ABCB6: variants seen among roughly 807,000 people sequenced by gnomAD.
ABCB6 encodes ATP-binding cassette sub-family B member 6.
Under a neutral mutation model 99.4 loss-of-function variants are expected in ABCB6, and 87 were observed. The ratio of observed to expected loss-of-function variants is 0.88; its 90% CI spans 0.74 to 1.05. ABCB6 has a LOEUF of 1.05. Ranked by LOEUF, ABCB6 falls within the 50% of genes least tolerant of loss-of-function variation. The probability of loss-of-function intolerance (pLI) is 0.00; values close to 1 mark genes in which losing one functional copy is unlikely to be tolerated. For synonymous variants in ABCB6, 482 were observed against 447.5 expected (o/e 1.08, Z -0.97); for missense variants, 1,050 against 1,097.9 (o/e 0.96, Z 0.62).
In ABCB6 at chr2:219,216,259, G is replaced by C; in HGVS notation, c.971-79C>G. On this transcript the variant is annotated intron_variant, in intron 4 of 18. Coordinates refer to ENST00000265316, the MANE Select transcript of ABCB6 (RefSeq NM_005689.4). This position sits in a 1 kb window ranked among gnomAD's most constrained non-coding sequence, Gnocchi z 4.2. Reference sequence around the variant, plus strand: ...CCCAGCACCAGGATGTGAAAGGTCTGAGAGTACATGGGGGCTGGGGAGGAA... The same window carrying C: ...CCCAGCACCAGGATGTGAAAGGTCTCAGAGTACATGGGGGCTGGGGAGGAA... The C allele has an allele frequency of 6.3e-7, 1 of 1,577,022 alleles. No individual in the cohort carries two copies. Among genetic ancestry groups the C allele is most frequent in the East Asian group, 2.3e-5 (1 of 43,868 alleles).
Position 219,214,404 on chromosome 2 carries a change from CAG to C in ABCB6, c.1369_1370del (p.Leu457AlafsTer65), listed in dbSNP as rs762280572. ...NATRARAVDS[L>X]LNFETVKYYN... ...CCTCTGTTACCGTCTCGAAGTTTAG[CAG>C]AGAGTCCACTGCTCGTGCCCGGGTA... On this transcript the variant is annotated frameshift_variant, in exon 7 of 19. Coordinates refer to ENST00000265316, the MANE Select transcript of ABCB6 (RefSeq NM_005689.4). LOFTEE classifies it high-confidence loss of function. The C allele has an allele frequency of 9.9e-6, 16 of 1,614,014 alleles. No homozygotes were observed. Among genetic ancestry groups the C allele is most frequent in the African/African-American group, 9.3e-5 (7 of 74,932 alleles).
In ABCB6 at chr2:219,213,459, A is replaced by C. The variant is rs1950602317; in HGVS notation, c.1699T>G (p.Leu567Val). Residue 567 changes from leucine to valine, a missense_variant, in exon 11 of 19, where the codon TTG becomes GTG. Coordinates refer to ENST00000265316, the MANE Select transcript of ABCB6 (RefSeq NM_005689.4). Reference protein sequence around the residue: ...NFIDMENMFDLLKEETEVKDL... With the variant: ...NFIDMENMFDVLKEETEVKDL... ...CTCACTTCTGTCTCCTCTTTCAGCA[A>C]GTCAAACATGTTCTCCATGTCAATG... is the stretch of plus-strand genomic sequence containing the variant. 6.2e-7 allele frequency: 1 copy of C among 1,614,188 alleles called. No homozygotes were observed. The highest frequency in any genetic ancestry group is 1.3e-5 in the African/African-American group (1 of 75,032).
Position 219,216,412 on chromosome 2 carries a change from T to C in ABCB6, c.922A>G (p.Ser308Gly). The C allele has an allele frequency of 1.2e-6, 2 of 1,614,062 alleles. No homozygotes were observed. The highest frequency in any genetic ancestry group is 2.2e-5 in the South Asian group (2 of 91,078). Residue 308 changes from serine (S) to glycine (G), a missense_variant, in exon 4 of 19, where the codon AGT becomes GGT. Coordinates refer to ENST00000265316, the MANE Select transcript of ABCB6 (RefSeq NM_005689.4). This position sits in a 1 kb window ranked among gnomAD's most constrained non-coding sequence, Gnocchi z 4.2. ...TGGAGGAACTTGAGGAAGACGTAAC[T>C]GGTAACAGTCCAGGCCAGAGAGTTC... is the stretch of plus-strand genomic sequence containing the variant. ...PWNSLAWTVT[S>G]YVFLKFLQGG...
chr2:219,211,797 A>C (rs1574810623), intron 14 of ABCB6, among the ~76,000 whole-genome samples: 2 of 119,204 alleles, frequency 1.7e-5, no homozygotes, highest in Admixed American at 9.3e-5. Flanking sequence ...AGAGTCTTGC[A>C]CTCTTGCCCA....
At position 219,216,444 on chromosome 2, in the gene ABCB6, G is replaced by A; in HGVS notation, c.890C>T (p.Ala297Val). The A allele has an allele frequency of 1.2e-6, 2 of 1,614,012 alleles. No individual in the cohort carries two copies. Among genetic ancestry groups the A allele is most frequent in the Middle Eastern group, 3.3e-4 (2 of 6,062 alleles). The part of the protein sequence containing the change: ...RNIVNLLTEK[A>V]PWNSLAWTVT... ...AGTCCAGGCCAGAGAGTTCCAAGGT[G>A]CCTTCTCAGTCAGCAAGTTCACTGT... The change falls in exon 4 of 19, where the codon GCA (alanine) becomes GTA (valine). Residue 297 changes from alanine to valine, a missense_variant. Ala to Val is a moderately conservative substitution (Grantham distance 64). Transcript: ENST00000265316. This position sits in a 1 kb window ranked among gnomAD's most constrained non-coding sequence, Gnocchi z 4.2.
chr2:219,217,884 G>T, intron 1 of ABCB6, 77 bp from the exon 2 acceptor site: 3 of 1,540,254 alleles, frequency 1.9e-6, no homozygotes, highest in Non-Finnish European at 2.6e-6. Flanking sequence ...TAGGGCCGGG[G>T]ACTGGTGTCA....
At chr2:219,213,146 G>C in intron 12 of ABCB6, 81 bp from the exon 13 acceptor site, 1 of 1,603,126 alleles carries the variant, frequency 6.2e-7, no homozygotes, top group Non-Finnish European at 8.5e-7. Context: ...CCCTGCCCAG[G>C]CTCTTTTCCA....
Position 219,210,986 on chromosome 2 carries a change from C to G in ABCB6, c.2091G>C (p.Glu697Asp). The change falls in exon 15 of 19, where the codon GAG becomes GAC. Residue 697 changes from glutamate to aspartate, a missense_variant. Coordinates refer to ENST00000265316, the MANE Select transcript of ABCB6 (RefSeq NM_005689.4). ...GRVTAGNDEVEAAAQAAGIHD... is the reference protein window; with the variant it reads ...GRVTAGNDEVDAAAQAAGIHD... ...GGATGCCTGCAGCCTGAGCAGCAGC[C>G]TCCACCTCATCATTCCCAGCTGTGA... 1 of 1,614,196 alleles carries G rather than the reference C, an allele frequency of 6.2e-7. No individual in the cohort carries two copies. Among genetic ancestry groups the G allele is most frequent in the South Asian group, 1.1e-5 (1 of 91,086 alleles).
rs1360644284 is a variant in ABCB6, at chr2:219,210,969, G to A, written c.2108C>T (p.Ala703Val). ...AGCCATAATGGCATCATGGATGCCT[G>A]CAGCCTGAGCAGCAGCCTCCACCTC... ...NDEVEAAAQAAGIHDAIMAFP... is the reference protein window; with the variant it reads ...NDEVEAAAQAVGIHDAIMAFP... Residue 703 changes from alanine to valine, a missense_variant, in exon 15 of 19, where the codon GCA (alanine) becomes GTA (valine). Transcript: ENST00000265316. The A allele has an allele frequency of 1.2e-6, 2 of 1,614,200 alleles. No individual in the cohort carries two copies. The highest frequency in any genetic ancestry group is 2.2e-5 in the East Asian group (1 of 44,890).
intron 15 of ABCB6, 46 bp downstream of exon 15, chr2:219,210,888 G>T: frequency 6.2e-7 from 1 of 1,613,408 alleles, no homozygotes; most frequent in Non-Finnish European, 8.5e-7. Flanking sequence ...GGATTAGCAG[G>T]ACAACACCAG....
chr2:219,212,352 C>T (rs1393786322), intron 14 of ABCB6, 35 bp downstream of exon 14: 30 of 1,576,156 alleles, frequency 1.9e-5, no homozygotes, highest in Non-Finnish European at 2.4e-5. Flanking sequence ...CACACGTAGA[C>T]CCCTAAACCA....
At position 219,210,240 on chromosome 2, in the gene ABCB6, C is replaced by T; in HGVS notation, c.2410G>A (p.Glu804Lys). ...ILVIKDGCIVERGRHEALLSR... is the reference protein window; with the variant it reads ...ILVIKDGCIVKRGRHEALLSR... ...CTATGTGTCTCTTACCGTCCCCTCT[C>T]CACGATGCAGCCATCCTTGATGACG... The change falls in exon 18 of 19, where the codon GAG becomes AAG. Residue 804 changes from glutamate to lysine, a missense_variant. By Grantham distance (56) the Glu-to-Lys change is moderately conservative. Transcript: ENST00000265316. 15 of 1,614,216 alleles carry T rather than the reference C, an allele frequency of 9.3e-6. No individual in the cohort carries two copies. Among genetic ancestry groups the T allele is most frequent in the Non-Finnish European group, 1.2e-5 (14 of 1,180,034 alleles).
Position 219,216,018 on chromosome 2 carries a change from G to A in ABCB6, c.1133C>T (p.Ser378Phe), listed in dbSNP as rs1559237693. The A allele has an allele frequency of 1.3e-6, 2 of 1,594,506 alleles. No homozygotes were observed. Among genetic ancestry groups the A allele is most frequent in the Admixed American group, 1.7e-5 (1 of 59,084 alleles). ...EVLRIADRGT[S>F]SVTGLLSYLV... is the part of the protein sequence containing the mutation. The stretch of plus-strand genomic sequence containing the variant: ...GCACCTGAGCAGCCCTGTGACACTG[G>A]ATGTGCCCCGATCCGCGATCCGCAG... Residue 378 changes from serine to phenylalanine, a missense_variant, in exon 5 of 19, where the codon TCC becomes TTC. Transcript: ENST00000265316. The surrounding 1 kb of genome is among the most constrained non-coding windows in gnomAD (Gnocchi z 4.2).
At chr2:219,210,593 G>C in intron 16 of ABCB6, 118 bp from the exon 17 acceptor site, 1 of 1,590,896 alleles carries the variant, frequency 6.3e-7, no homozygotes, top group Admixed American at 1.7e-5. Context: ...TTGAGAACTG[G>C]AAAGTGTGTT....
Position 219,214,245 on chromosome 2 carries a change from T to C in ABCB6, c.1387-59A>G, listed in dbSNP as rs919585586. On this transcript the variant is annotated intron_variant, in intron 7 of 18. Transcript: ENST00000265316. ...GCACAGCACATGGCACTCGGGTCAT[T>C]CCCCCCAACTCTCAATCCTCCTTCC... 3.9e-6 allele frequency: 6 copies of C among 1,555,348 alleles called. No individual in the cohort carries two copies. In the African/African-American group the frequency reaches 6.8e-5, roughly 18 times the overall value.
In ABCB6 at chr2:219,213,239, A is replaced by G. The variant is rs1950599660; in HGVS notation, c.1805+2T>C. Reference sequence around the variant, plus strand: ...GCAAAGGAAGCAAAAGGAAGGCCTCACCCATCGGCATAGCTGAAGTGCACG... The same window carrying G: ...GCAAAGGAAGCAAAAGGAAGGCCTCGCCCATCGGCATAGCTGAAGTGCACG... On this transcript the variant is annotated splice_donor_variant, in intron 12 of 18. Coordinates refer to ENST00000265316, the MANE Select transcript of ABCB6 (RefSeq NM_005689.4). LOFTEE classifies it high-confidence loss of function. The G allele has an allele frequency of 1.2e-6, 2 of 1,614,158 alleles. No homozygotes were observed. Among genetic ancestry groups the G allele is most frequent in the Non-Finnish European group, 8.5e-7 (1 of 1,180,014 alleles).
At chr2:219,217,499 C>G (rs529319759) in intron 2 of ABCB6, among the ~76,000 whole-genome samples, 171 bp downstream of exon 2, 36 of 151,612 alleles carry the variant, frequency 2.4e-4, no homozygotes, top group African/African-American at 8.0e-4. Flanking sequence ...CAAAACTTAG[C>G]TGGGTGTGGT....
At chr2:219,215,722 C>T (rs1481603747) in intron 5 of ABCB6, 1 of 303,282 alleles carries the variant, frequency 3.3e-6, no homozygotes. Context: ...GCCTGGGTGA[C>T]AGAGCGTGAC....
rs931319305 is a variant in ABCB6 at position 219,210,173 on chromosome 2, C to T, written c.2420+57G>A. The T allele has an allele frequency of 4.3e-6, 7 of 1,609,878 alleles. No individual in the cohort carries two copies. The Admixed American group carries it at 1.2e-4, about 27-fold the overall frequency. ...CAGAAGCCCCTGGGACTTCATGCCC[C>T]CTTTCCTGGAGCCCCCAATTCAGAA... On this transcript the variant is annotated intron_variant, in intron 18 of 18. Transcript: ENST00000265316.
Sources: allele counts gnomAD v4.1 joint callset (sites outside exome capture counted in the v4.1 genomes callset), GRCh38; gene constraint gnomAD v4.1.1; non-coding constraint Gnocchi (gnomAD v3.1); transcripts MANE v1.5; gene names NCBI Gene and HGNC (gene_info 2026-07-23, HGNC 2026-07-21).